CCDC93: variants seen among roughly 807,000 people sequenced by gnomAD.
CCDC93 encodes coiled-coil domain-containing protein 93.
In CCDC93, 61 loss-of-function variants were observed where a neutral mutation model predicts 108.2. The observed-to-expected ratio is 0.56, with a 90% confidence interval of 0.46 to 0.70. The LOEUF (loss-of-function observed/expected upper bound fraction) is 0.70, where lower values mean the gene tolerates loss of function less well. Ranked by LOEUF, CCDC93 falls within the 30% of genes least tolerant of loss-of-function variation. The probability of loss-of-function intolerance (pLI) is 0.00; values close to 1 mark genes in which losing one functional copy is unlikely to be tolerated. For missense variants in CCDC93, 685 were observed against 764.2 expected (o/e 0.90, Z 1.22); for synonymous variants, 276 against 260.4 (o/e 1.06, Z -0.58).
chr2:117,995,608 T>C (rs927552661), intron 5 of CCDC93, 106 bp from the exon 6 acceptor site: 1 of 874,326 alleles, frequency 1.1e-6, no homozygotes, highest in African/African-American at 1.7e-5. Flanking sequence ...CATCACTACT[T>C]TGCCTGACGA....
intron 1 of CCDC93, among the ~76,000 whole-genome samples, chr2:118,010,213 C>T (rs1205922924): frequency 2.0e-5 from 3 of 152,152 alleles, no homozygotes; most frequent in Non-Finnish European, 2.9e-5. Context: ...CCTCAGCCTC[C>T]CAAAGTGCTG....
chr2:117,925,165 A>T (rs985330930), intron 23 of CCDC93, among the ~76,000 whole-genome samples: 3 of 152,354 alleles, frequency 2.0e-5, no homozygotes, highest in Admixed American at 6.5e-5. Context: ...CACTGCAAAA[A>T]CATGCCAAAT....
intron 6 of CCDC93, 127 bp downstream of exon 6, chr2:117,995,319 C>T (rs2104813694): frequency 1.3e-6 from 1 of 763,282 alleles, no homozygotes; most frequent in East Asian, 2.5e-5. Flanking sequence ...CTCACACAGC[C>T]ATCTGAGTCT....
rs1678888775 is a variant in CCDC93 at position 117,946,873 on chromosome 2, T to C, written c.1234A>G (p.Thr412Ala). Residue 412 changes from threonine to alanine, a missense_variant, in exon 16 of 24, where the codon ACA becomes GCA. Transcript: ENST00000376300. ...TTTTCAATTTCTTGCTGTAGTCGTGTCATCTCCTCCTTTAAAAGTGACATG... is the reference window on the plus strand; with the variant it reads ...TTTTCAATTTCTTGCTGTAGTCGTGCCATCTCCTCCTTTAAAAGTGACATG... ...EFKAHCREEM[T>A]RLQQEIENLK... is the part of the protein sequence containing the mutation. 1 of 1,612,008 alleles carries C rather than the reference T, an allele frequency of 6.2e-7. No homozygotes were observed. Among genetic ancestry groups the C allele is most frequent in the Middle Eastern group, 1.7e-4 (1 of 6,054 alleles).
intron 3 of CCDC93, among the ~76,000 whole-genome samples, chr2:118,004,265 T>C (rs1676797913): frequency 6.6e-6 from 1 of 152,264 alleles, no homozygotes; most frequent in Admixed American, 6.5e-5. Context: ...AATAAAATGT[T>C]TGTTGTTGAA....
Position 117,967,338 on chromosome 2 carries a change from A to G in CCDC93, c.888+6570T>C, listed in dbSNP as rs573188440. Among the ~76,000 whole-genome samples the G allele has an allele frequency of 1.1e-4, 16 of 152,346 alleles. No individual in the cohort carries two copies. The South Asian group carries it at 3.3e-3, about 32-fold the overall frequency. Reference sequence around the variant, plus strand: ...CTGCATGAGACCACATTAATGTGGTATTCTCCAGAAACATGAAGAGTCACT... The same window carrying G: ...CTGCATGAGACCACATTAATGTGGTGTTCTCCAGAAACATGAAGAGTCACT... On this transcript the variant is annotated intron_variant, in intron 11 of 23. Coordinates refer to ENST00000376300, the MANE Select transcript of CCDC93 (RefSeq NM_019044.5).
chr2:117,977,398 G>GT (rs1176574534), intron 8 of CCDC93, among the ~76,000 whole-genome samples: 2 of 152,178 alleles, frequency 1.3e-5, no homozygotes, highest in East Asian at 3.9e-4. Flanking sequence ...GTTCAAGGCA[G>GT]TAAGTGAAAA....
At chr2:117,990,135 G>T (rs1014060782) in intron 6 of CCDC93, among the ~76,000 whole-genome samples, 8 of 152,234 alleles carry the variant, frequency 5.3e-5, no homozygotes, top group Middle Eastern at 3.2e-3. Flanking sequence ...GGGAGTAAAA[G>T]ACCTCACTTC....
At chr2:117,979,961 A>T (rs1680063842) in intron 7 of CCDC93, among the ~76,000 whole-genome samples, 1 of 152,216 alleles carries the variant, frequency 6.6e-6, no homozygotes, top group African/African-American at 2.4e-5. Flanking sequence ...AGCATAAAGG[A>T]TCCATTGTGT....
At position 117,992,070 on chromosome 2, in the gene CCDC93, C is replaced by G. The variant is rs545634221; in HGVS notation, c.519+3376G>C. ...CTCCTGGAAGTGAGGGGTGTTTAAG[C>G]AGATGAGGAAAAGAAAAACCCAAAG... On this transcript the variant is annotated intron_variant, in intron 6 of 23. Transcript: ENST00000376300. Among the ~76,000 whole-genome samples the G allele has an allele frequency of 2.8e-4, 43 of 152,246 alleles. No homozygotes were observed. In the South Asian group the frequency reaches 6.8e-3, roughly 24 times the overall value.
intron 17 of CCDC93, chr2:117,944,633 CTGGA>C: frequency 2.2e-6 from 1 of 445,824 alleles, no homozygotes; most frequent in South Asian, 1.7e-5. Flanking sequence ...AGAGACATGG[CTGGA>C]TGGTTTGTCG....
intron 23 of CCDC93, among the ~76,000 whole-genome samples, chr2:117,921,353 T>C (rs1257731345): frequency 6.6e-6 from 1 of 152,106 alleles, no homozygotes; most frequent in Non-Finnish European, 1.5e-5. Flanking sequence ...TCTGGGATCA[T>C]CTTCAAAAGC....
chr2:117,931,574 AAAG>A (rs1193623272), intron 22 of CCDC93: 1 of 157,084 alleles, frequency 6.4e-6, no homozygotes, highest in East Asian at 1.9e-4. Flanking sequence ...CCCCCACAGC[AAAG>A]AATTATCTAG....
At chr2:117,992,823 T>C (rs572006361) in intron 6 of CCDC93, among the ~76,000 whole-genome samples, 57 of 151,712 alleles carry the variant, frequency 3.8e-4, no homozygotes, top group African/African-American at 1.1e-3. Flanking sequence ...TAAATATCTG[T>C]CATTATCACA....
At chr2:117,964,088 T>C (rs553584050) in intron 11 of CCDC93, among the ~76,000 whole-genome samples, 1 of 152,328 alleles carries the variant, frequency 6.6e-6, no homozygotes, top group African/African-American at 2.4e-5. Flanking sequence ...CATTGTTCTC[T>C]CCAGATTTAC....
intron 10 of CCDC93, 39 bp from the exon 11 acceptor site, chr2:117,974,033 T>G: frequency 7.5e-7 from 1 of 1,340,148 alleles, no homozygotes; most frequent in Non-Finnish European, 1.1e-6. Flanking sequence ...AGGCCAAGCC[T>G]TGTCTTCCAT....
chr2:117,956,311 A>C (rs1679213146), intron 12 of CCDC93, among the ~76,000 whole-genome samples: 1 of 152,218 alleles, frequency 6.6e-6, no homozygotes, highest in African/African-American at 2.4e-5. Flanking sequence ...TCTGGGTAAA[A>C]GTGTTCTGAA....
intron 1 of CCDC93, chr2:118,008,944 G>T: frequency 3.6e-6 from 1 of 281,022 alleles, no homozygotes. Context: ...AGGAATCCAG[G>T]GAAAAGGAAG....
chr2:117,953,006 A>G (rs1679108934), intron 12 of CCDC93, among the ~76,000 whole-genome samples: 1 of 152,360 alleles, frequency 6.6e-6, no homozygotes, highest in East Asian at 1.9e-4. Context: ...TCACATCTTG[A>G]AAAAGTCAAT....
Sources: allele counts gnomAD v4.1 joint callset (sites outside exome capture counted in the v4.1 genomes callset), GRCh38; gene constraint gnomAD v4.1.1; transcripts MANE v1.5; gene names NCBI Gene and HGNC (gene_info 2026-07-23, HGNC 2026-07-21).